CCDC171: variants seen among roughly 807,000 people sequenced by gnomAD.
The protein encoded by CCDC171 is coiled-coil domain-containing protein 171.
A neutral mutation model predicts 168.2 loss-of-function variants in CCDC171; 177 were observed. That is an observed-to-expected ratio of 1.05 (90% confidence interval 0.93 to 1.19). The LOEUF is 1.19. Among genes scored for constraint, CCDC171 ranks in the 50% most tolerant of loss-of-function variants. CCDC171 has a pLI of 0.00. For missense variants in CCDC171, 1,991 were observed against 1,539.0 expected (o/e 1.29, Z -4.91); for synonymous variants, 687 against 540.8 (o/e 1.27, Z -3.75).
intron 23 of CCDC171, among the ~76,000 whole-genome samples, chr9:15,857,186 T>G (rs2061378396): frequency 6.6e-6 from 1 of 151,778 alleles, no homozygotes; most frequent in African/African-American, 2.4e-5. Flanking sequence ...ATTATGTTGA[T>G]TATTATTATT....
chr9:15,613,103 A>T (rs2043821838), intron 6 of CCDC171, among the ~76,000 whole-genome samples: 1 of 152,162 alleles, frequency 6.6e-6, no homozygotes, highest in Non-Finnish European at 1.5e-5. Flanking sequence ...TCAAATAGTA[A>T]CTTTATGGTT....
At chr9:15,646,731 G>C (rs1249395959) in intron 7 of CCDC171, among the ~76,000 whole-genome samples, 1 of 152,106 alleles carries the variant, frequency 6.6e-6, no homozygotes, top group Non-Finnish European at 1.5e-5. Flanking sequence ...CCCAATACAG[G>C]AGCACTCAGA....
chr9:15,581,139 A>G (rs990104426), intron 4 of CCDC171, among the ~76,000 whole-genome samples: 7 of 152,314 alleles, frequency 4.6e-5, no homozygotes, highest in South Asian at 2.1e-4. Context: ...CACCAATAAC[A>G]GACAAACAGA....
intron 4 of CCDC171, among the ~76,000 whole-genome samples, chr9:15,589,502 A>G (rs1198703612): frequency 2.0e-5 from 3 of 152,212 alleles, no homozygotes; most frequent in Admixed American, 2.0e-4. Flanking sequence ...CAACATGTTA[A>G]TGTGAAATGT....
chr9:15,886,782 A>ACC (rs1554666688), intron 24 of CCDC171: 3 of 151,462 alleles, frequency 2.0e-5, no homozygotes, highest in Non-Finnish European at 4.4e-5. Flanking sequence ...ACACACACAC[A>ACC]CACCCAGAGG....
chr9:16,000,427 C>T (rs538949562), intron 3 of CCDC171, among the ~76,000 whole-genome samples: 8 of 152,194 alleles, frequency 5.3e-5, no homozygotes, highest in Admixed American at 5.2e-4. Context: ...TAGGTGAGAA[C>T]TCTTTAATAC....
chr9:16,106,376 C>G, the CCDC171 span, among the ~76,000 whole-genome samples: 2 of 152,174 alleles, frequency 1.3e-5, no homozygotes, highest in African/African-American at 4.8e-5. Flanking sequence ...CTCCGCATTT[C>G]CGTAGCTCAG....
chr9:15,671,758 T>C (rs1034516775), intron 9 of CCDC171, among the ~76,000 whole-genome samples: 4 of 152,200 alleles, frequency 2.6e-5, no homozygotes, highest in African/African-American at 7.2e-5. Flanking sequence ...CAGTCTATCA[T>C]TGATGGACAT....
chr9:15,785,405 C>T (rs917649405), intron 21 of CCDC171, among the ~76,000 whole-genome samples: 1 of 152,082 alleles, frequency 6.6e-6, no homozygotes, highest in Non-Finnish European at 1.5e-5. Context: ...AGTTAATCAA[C>T]TCAGAGTTGG....
chr9:15,862,744 G>A (rs1385312642), intron 23 of CCDC171, among the ~76,000 whole-genome samples: 1 of 152,010 alleles, frequency 6.6e-6, no homozygotes, highest in East Asian at 1.9e-4. Context: ...AAACTTCTGT[G>A]TTAGTCCAAA....
chr9:15,865,032 C>T (rs969379294), intron 23 of CCDC171, among the ~76,000 whole-genome samples: 4 of 151,842 alleles, frequency 2.6e-5, no homozygotes, highest in Non-Finnish European at 4.4e-5. Flanking sequence ...ATGCTTTTAT[C>T]GTAAATCATC....
chr9:16,094,912 G>A, the CCDC171 span, among the ~76,000 whole-genome samples: 1 of 152,174 alleles, frequency 6.6e-6, no homozygotes, highest in Non-Finnish European at 1.5e-5. Flanking sequence ...CCTGGGGGCA[G>A]ATTTCCCCGT....
At chr9:15,627,009 A>G (rs911856290) in intron 7 of CCDC171, among the ~76,000 whole-genome samples, 4 of 152,256 alleles carry the variant, frequency 2.6e-5, no homozygotes, top group Non-Finnish European at 5.9e-5. Flanking sequence ...TTATTGGTCT[A>G]TTTTGGGATT....
At chr9:16,087,018 G>C in the CCDC171 span, among the ~76,000 whole-genome samples, 3 of 152,190 alleles carry the variant, frequency 2.0e-5, no homozygotes, top group African/African-American at 7.2e-5. Flanking sequence ...AGGTTGTTCA[G>C]TTTCCATGTA....
intron 3 of CCDC171, among the ~76,000 whole-genome samples, chr9:15,985,097 C>G (rs994530268): frequency 2.0e-5 from 3 of 151,948 alleles, no homozygotes; most frequent in Non-Finnish European, 4.4e-5. Flanking sequence ...CTACAATGAA[C>G]ATTTATAATT....
chr9:15,859,515 T>C (rs548444940), intron 23 of CCDC171, among the ~76,000 whole-genome samples: 1 of 152,160 alleles, frequency 6.6e-6, no homozygotes, highest in East Asian at 1.9e-4. Context: ...CACCTGGTCC[T>C]GGGCTTTTCT....
chr9:15,881,402 C>A (rs1818621148), intron 24 of CCDC171, among the ~76,000 whole-genome samples: 1 of 152,060 alleles, frequency 6.6e-6, no homozygotes, highest in Non-Finnish European at 1.5e-5. Flanking sequence ...TTAATACATT[C>A]ATATAATTTG....
At chr9:15,622,576 A>G (rs1396947240) in intron 6 of CCDC171, among the ~76,000 whole-genome samples, 1 of 152,222 alleles carries the variant, frequency 6.6e-6, no homozygotes, top group Non-Finnish European at 1.5e-5. Context: ...AATGACAACA[A>G]TGAATCTAGA....
At chr9:16,026,856 TA>T (rs1285240330) in intron 6 of CCDC171, among the ~76,000 whole-genome samples, 42 of 152,360 alleles carry the variant, frequency 2.8e-4, no homozygotes, top group African/African-American at 8.7e-4. Flanking sequence ...ATAACACAAT[TA>T]TGTGTATTGG....
Sources: gnomAD v4.1 joint callset for allele counts (sites outside exome capture counted in the v4.1 genomes callset) on GRCh38, gnomAD v4.1.1 for gene constraint, MANE v1.5 for transcripts, NCBI Gene and HGNC (gene_info 2026-07-23, HGNC 2026-07-21) for gene names.